UGT1A6: variants seen among roughly 807,000 people sequenced by gnomAD.
UGT1A6 encodes the protein UDP-glucuronosyltransferase 1A6.
A neutral mutation model predicts 44.4 loss-of-function variants in UGT1A6; 32 were observed. The ratio of observed to expected loss-of-function variants is 0.72; its 90% confidence interval spans 0.54 to 0.97. UGT1A6 has a LOEUF of 0.97. UGT1A6 is among the 50% of genes least tolerant of loss of function. The pLI, the probability that UGT1A6 is intolerant of heterozygous loss-of-function variation, is 0.00. For synonymous variants in UGT1A6, 238 were observed against 248.5 expected, an observed-to-expected ratio of 0.96 and a Z score of 0.40; for missense variants, 685 against 661.9, an observed-to-expected ratio of 1.03 and a Z score of -0.38.
intron 1 of UGT1A6, among the ~76,000 whole-genome samples, chr2:233,698,043 G>A (rs1345367179): frequency 6.6e-6 from 1 of 152,102 alleles, no homozygotes. Flanking sequence ...TTTTCAAAAA[G>A]TTGTACTCAG....
chr2:233,743,668 G>A (rs898129248), intron 1 of UGT1A6: 18 of 1,367,120 alleles, frequency 1.3e-5, no homozygotes, highest in African/African-American at 4.5e-5. Flanking sequence ...AGGGGTCCTC[G>A]AAGGGCCTGC....
intron 1 of UGT1A6, chr2:233,719,510 T>G: frequency 6.2e-7 from 1 of 1,614,000 alleles, no homozygotes. Flanking sequence ...TTTCTGCCCC[T>G]TATGCAAGTC....
rs1270909103 is a variant in UGT1A6, at chr2:233,767,175, T to G, written c.993+10T>G. On this transcript the variant is annotated intron_variant, in intron 2 of 4. Transcript: ENST00000305139. Reference sequence around the variant, plus strand: ...CAAAATCCCTCAGACAGTAAGAAGATTCTATACCATGGCCTCATATCTATT... The same window carrying G: ...CAAAATCCCTCAGACAGTAAGAAGAGTCTATACCATGGCCTCATATCTATT... The G allele has an allele frequency of 1.4e-5, 22 of 1,613,924 alleles. No individual in the cohort carries two copies. The highest frequency in any genetic ancestry group is 1.9e-5 in the Non-Finnish European group (22 of 1,180,010).
chr2:233,749,922 T>G (rs1694307540), intron 1 of UGT1A6, among the ~76,000 whole-genome samples: 2 of 151,936 alleles, frequency 1.3e-5, no homozygotes, highest in South Asian at 4.1e-4. Context: ...GTGAGTCAAT[T>G]AAAGCTCTTT....
chr2:233,760,285 G>A (rs376515645), intron 1 of UGT1A6: 12 of 1,612,814 alleles, frequency 7.4e-6, no homozygotes, highest in African/African-American at 4.0e-5. Context: ...GAGCAAAGGC[G>A]CCATGGCTGT....
chr2:233,753,368 C>G (rs1222809761), intron 1 of UGT1A6: 1 of 152,204 alleles, frequency 6.6e-6, no homozygotes, highest in Non-Finnish European at 1.5e-5. Context: ...GGGTGCCATT[C>G]CATGCAGATT....
At chr2:233,717,671 C>T (rs192021569) in intron 1 of UGT1A6, 19 of 419,042 alleles carry the variant, frequency 4.5e-5, no homozygotes, top group African/African-American at 1.2e-4. Flanking sequence ...AGCAATCTTG[C>T]GAGCACATGT....
chr2:233,729,265 G>A (rs761772546), intron 1 of UGT1A6: 3 of 1,614,128 alleles, frequency 1.9e-6, no homozygotes, highest in East Asian at 2.2e-5. Flanking sequence ...CATGCGGGAG[G>A]TCTTGCGGGA....
intron 1 of UGT1A6, among the ~76,000 whole-genome samples, chr2:233,694,835 G>A (rs577816830): frequency 6.6e-5 from 10 of 152,200 alleles, no homozygotes; most frequent in Non-Finnish European, 1.3e-4. Context: ...AACATAGAAT[G>A]TCAGGATTCT....
At chr2:233,705,147 AAAG>A (rs767528051) in intron 1 of UGT1A6, among the ~76,000 whole-genome samples, 175 of 152,082 alleles carry the variant, frequency 1.2e-3, no homozygotes, top group Middle Eastern at 3.4e-3. Flanking sequence ...AAAAAAAAAA[AAAG>A]AGAGAGAGAG....
chr2:233,729,284 C>T, intron 1 of UGT1A6: 1 of 1,614,206 alleles, frequency 6.2e-7, no homozygotes, highest in Non-Finnish European at 8.5e-7. Flanking sequence ...GAGCTCCATG[C>T]CAGAGGCCAC....
chr2:233,731,441 C>T (rs1000336522), intron 1 of UGT1A6, among the ~76,000 whole-genome samples: 6 of 152,112 alleles, frequency 3.9e-5, no homozygotes, highest in Non-Finnish European at 5.9e-5. Flanking sequence ...CCCCAGTCCC[C>T]CACCCCACAA....
chr2:233,726,709 GA>G (rs2077554030), intron 1 of UGT1A6, among the ~76,000 whole-genome samples: 1 of 152,172 alleles, frequency 6.6e-6, no homozygotes, highest in African/African-American at 2.4e-5. Flanking sequence ...TCCCAGGTTT[GA>G]GGAAGTACAA....
At chr2:233,747,897 G>T in intron 1 of UGT1A6, 2 of 1,613,482 alleles carry the variant, frequency 1.2e-6, no homozygotes, top group Non-Finnish European at 1.7e-6. Flanking sequence ...TGCTCTTTCT[G>T]CTCCTTATGC....
chr2:233,698,702 T>G (rs924104929), intron 1 of UGT1A6, among the ~76,000 whole-genome samples: 6 of 152,250 alleles, frequency 3.9e-5, no homozygotes, highest in Non-Finnish European at 8.8e-5. Flanking sequence ...AAAAAAAATG[T>G]GCAAAGCCTT....
At chr2:233,745,258 A>T (rs1322135753) in intron 1 of UGT1A6, among the ~76,000 whole-genome samples, 2 of 151,808 alleles carry the variant, frequency 1.3e-5, no homozygotes, top group East Asian at 1.9e-4. Flanking sequence ...AACCATTAAG[A>T]CTTGCAGGCC....
At position 233,724,298 on chromosome 2, in the gene UGT1A6, C is replaced by G. The variant is rs1308100434; in HGVS notation, c.861+30433C>G. Among the ~76,000 whole-genome samples, 14 of 143,328 alleles carry G rather than the reference C, an allele frequency of 9.8e-5. No individual in the cohort carries two copies. In the East Asian group the frequency reaches 3.1e-3, roughly 31 times the overall value. 94.0% of individuals were successfully genotyped at this position (143,328 alleles called of 152,430 possible). Reference sequence around the variant, plus strand: ...TGGCCGGGCGGGGGGCTGACCCCCCCACCTCCCTCCCGGACGGGGCGGCTG... The same window carrying G: ...TGGCCGGGCGGGGGGCTGACCCCCCGACCTCCCTCCCGGACGGGGCGGCTG... On this transcript the variant is annotated intron_variant, in intron 1 of 4. Transcript: ENST00000305139.
intron 1 of UGT1A6, among the ~76,000 whole-genome samples, chr2:233,751,264 C>T (rs796592770): frequency 6.6e-6 from 1 of 151,872 alleles, no homozygotes; most frequent in East Asian, 1.9e-4. Context: ...CTGTAGCCCC[C>T]TTTTTTTGGC....
chr2:233,744,538 A>C (rs4663967), intron 1 of UGT1A6, among the ~76,000 whole-genome samples: 82,778 of 151,254 alleles, frequency 0.55, 24,850 homozygotes, highest in African/African-American at 0.8. Context: ...TTTTATGTAA[A>C]TTTTATTAAG....
Sources: allele counts gnomAD v4.1 joint callset (sites outside exome capture counted in the v4.1 genomes callset), GRCh38; gene constraint gnomAD v4.1.1; transcripts MANE v1.5; gene names NCBI Gene and HGNC (gene_info 2026-07-23, HGNC 2026-07-21).